LUZP2: variants seen among roughly 807,000 people sequenced by gnomAD.
The protein encoded by LUZP2 is leucine zipper protein 2.
A neutral mutation model predicts 51.6 loss-of-function variants in LUZP2; 52 were observed. That is an observed-to-expected ratio of 1.01 (90% CI 0.81 to 1.27). LUZP2 has a LOEUF of 1.27. LUZP2 is among the 50% of genes most tolerant of loss of function. The probability of loss-of-function intolerance (pLI) is 0.00; values close to 1 mark genes in which losing one functional copy is unlikely to be tolerated. For missense variants in LUZP2, 436 were observed against 395.4 expected (o/e 1.10, Z -0.87); for synonymous variants, 154 against 137.3 (o/e 1.12, Z -0.85).
intron 5 of LUZP2, among the ~76,000 whole-genome samples, chr11:24,854,014 G>A (rs1020912478): frequency 1.3e-5 from 2 of 152,160 alleles, no homozygotes; most frequent in Non-Finnish European, 2.9e-5. Flanking sequence ...AGGACTACCT[G>A]CCAGATGCCA....
chr11:24,875,134 G>A (rs1333111554), intron 5 of LUZP2, among the ~76,000 whole-genome samples: 1 of 151,054 alleles, frequency 6.6e-6, no homozygotes, highest in African/African-American at 2.4e-5. Context: ...TAAGTTTTAG[G>A]GTACATGTGC....
intron 1 of LUZP2, among the ~76,000 whole-genome samples, chr11:24,573,152 CAGAGTAACA>C (rs1422192148): frequency 1.3e-5 from 2 of 151,704 alleles, no homozygotes; most frequent in Non-Finnish European, 2.9e-5. Flanking sequence ...AGGAAGATAC[CAGAGTAACA>C]AGCATTGGTA....
intron 1 of LUZP2, among the ~76,000 whole-genome samples, chr11:24,620,388 A>G (rs12418943): frequency 0.13 from 20,496 of 152,150 alleles, 1,756 homozygotes; most frequent in East Asian, 0.25. Context: ...TCAAGGTATT[A>G]TATCTTTCTA....
chr11:24,814,702 A>C (rs1444408260), intron 5 of LUZP2, among the ~76,000 whole-genome samples: 1 of 152,158 alleles, frequency 6.6e-6, no homozygotes, highest in East Asian at 1.9e-4. Flanking sequence ...TTATTAAACA[A>C]TCAGTATGTG....
intron 7 of LUZP2, among the ~76,000 whole-genome samples, chr11:24,929,388 C>T (rs1854378045): frequency 6.6e-6 from 1 of 152,068 alleles, no homozygotes; most frequent in Non-Finnish European, 1.5e-5. Context: ...ACTGCCTTTG[C>T]TGTATCCCAG....
intron 1 of LUZP2, among the ~76,000 whole-genome samples, chr11:24,602,272 A>ATATGTGTATATATG (rs1211280068): frequency 7.2e-5 from 10 of 138,782 alleles, no homozygotes; most frequent in South Asian, 2.1e-4. Context: ...ATATGTACAT[A>ATATGTGTATATATG]CATATATACA....
chr11:24,759,682 A>G (rs980445650), intron 4 of LUZP2, among the ~76,000 whole-genome samples: 33 of 152,218 alleles, frequency 2.2e-4, no homozygotes, highest in African/African-American at 8.0e-4. Context: ...AACTAAAGAC[A>G]AATCTGTACA....
At chr11:24,991,880 C>G (rs1032934581) in intron 9 of LUZP2, among the ~76,000 whole-genome samples, 1 of 151,880 alleles carries the variant, frequency 6.6e-6, no homozygotes, top group Non-Finnish European at 1.5e-5. Context: ...TGGGAATTGC[C>G]TATTTATGTT....
At chr11:24,792,029 GA>G (rs1849423360) in intron 5 of LUZP2, among the ~76,000 whole-genome samples, 1 of 146,070 alleles carries the variant, frequency 6.8e-6, no homozygotes, top group South Asian at 2.3e-4. Flanking sequence ...TGAGAGCTTT[GA>G]AATGGAATTC....
At chr11:24,642,447 C>T (rs768697256) in intron 1 of LUZP2, among the ~76,000 whole-genome samples, 3 of 151,794 alleles carry the variant, frequency 2.0e-5, no homozygotes, top group Non-Finnish European at 4.4e-5. Context: ...CTTTGTTCTA[C>T]ATGTTCAGTC....
chr11:24,696,716 G>A (rs1286966354), intron 1 of LUZP2, among the ~76,000 whole-genome samples: 1 of 151,942 alleles, frequency 6.6e-6, no homozygotes, highest in African/African-American at 2.4e-5. Context: ...AACAAATCAG[G>A]TTTGATAGGT....
chr11:24,910,845 G>C (rs984201139), intron 6 of LUZP2, among the ~76,000 whole-genome samples: 3 of 152,154 alleles, frequency 2.0e-5, no homozygotes, highest in Non-Finnish European at 2.9e-5. Context: ...ACTCCAGAAT[G>C]GTAGATCCAC....
intron 1 of LUZP2, among the ~76,000 whole-genome samples, chr11:24,513,569 T>C (rs1312383155): frequency 6.6e-6 from 1 of 152,214 alleles, no homozygotes; most frequent in Non-Finnish European, 1.5e-5. Flanking sequence ...AATATTCTTT[T>C]TGAATATTCT....
At chr11:24,536,448 A>G (rs1588347) in intron 1 of LUZP2, among the ~76,000 whole-genome samples, 32,395 of 151,788 alleles carry the variant, frequency 0.21, 4,250 homozygotes, top group African/African-American at 0.37. Flanking sequence ...AACTTCCTGC[A>G]CCTTCTCAAT....
At chr11:24,748,806 G>C (rs1408317201) in intron 4 of LUZP2, among the ~76,000 whole-genome samples, 2 of 152,146 alleles carry the variant, frequency 1.3e-5, no homozygotes, top group Non-Finnish European at 2.9e-5. Context: ...ATTTATGTAT[G>C]TAGGTATCTA....
intron 8 of LUZP2, among the ~76,000 whole-genome samples, chr11:24,982,194 G>A (rs1420643447): frequency 6.6e-6 from 1 of 151,862 alleles, no homozygotes; most frequent in Non-Finnish European, 1.5e-5. Context: ...GTGGAAAGCA[G>A]TATGGCGATT....
chr11:25,022,414 T>C (rs528140946), intron 9 of LUZP2, among the ~76,000 whole-genome samples: 12 of 152,002 alleles, frequency 7.9e-5, no homozygotes, highest in Non-Finnish European at 1.6e-4. Flanking sequence ...GAAACATTTA[T>C]TACTAGCCTG....
intron 6 of LUZP2, among the ~76,000 whole-genome samples, chr11:24,907,022 A>G (rs943570286): frequency 2.0e-5 from 3 of 152,204 alleles, no homozygotes; most frequent in African/African-American, 7.2e-5. Context: ...CACTGATTCA[A>G]AAATATCTTT....
intron 5 of LUZP2, among the ~76,000 whole-genome samples, chr11:24,862,424 G>A (rs1193173910): frequency 2.0e-5 from 3 of 152,146 alleles, no homozygotes; most frequent in Non-Finnish European, 4.4e-5. Flanking sequence ...GAAAAAACTG[G>A]TATCAGCCGC....
Sources: gnomAD v4.1 joint callset for allele counts (sites outside exome capture counted in the v4.1 genomes callset) on GRCh38, gnomAD v4.1.1 for gene constraint, MANE v1.5 for transcripts, NCBI Gene and HGNC (gene_info 2026-07-23, HGNC 2026-07-21) for gene names.